Variants in FBXO10 observed in about 807,000 individuals in gnomAD.
FBXO10 encodes F-box protein 10.
In FBXO10, 39 loss-of-function variants were observed where a neutral mutation model predicts 80.7. The observed-to-expected ratio is 0.48, with a 90% CI of 0.37 to 0.63. The LOEUF (loss-of-function observed/expected upper bound fraction) is 0.63, where lower values mean the gene tolerates loss of function less well. Among genes scored for constraint, FBXO10 ranks in the 30% least tolerant of loss-of-function variants. FBXO10 has a pLI of 0.00. For synonymous variants in FBXO10, 449 were observed against 489.6 expected, an observed-to-expected ratio of 0.92 and a Z score of 1.09; for missense variants, 1,025 against 1,269.0, an observed-to-expected ratio of 0.81 and a Z score of 2.92.
At chr9:37,575,857 C>T (rs1822881904) in intron 1 of FBXO10, among the ~76,000 whole-genome samples, 2 of 152,214 alleles carry the variant, frequency 1.3e-5, no homozygotes, top group Non-Finnish European at 1.5e-5. Context: ...CTTCCCATCC[C>T]AAGAGTCAGC....
chr9:37,540,724 C>A (rs184634696), intron 2 of FBXO10, among the ~76,000 whole-genome samples: 2 of 152,204 alleles, frequency 1.3e-5, no homozygotes, highest in Non-Finnish European at 2.9e-5. Flanking sequence ...TAAAAGCCTG[C>A]CCTTCCTTGA....
chr9:37,514,705 G>A (rs1345392687), intron 10 of FBXO10, among the ~76,000 whole-genome samples: 1 of 151,920 alleles, frequency 6.6e-6, no homozygotes, highest in African/African-American at 2.4e-5. Flanking sequence ...GTGGTGGTGG[G>A]CGCCTGTAAT....
rs1821629065 is a variant in FBXO10 at position 37,531,799 on chromosome 9, C to G, written c.1569+110G>C. 20 of 1,247,404 alleles carry G rather than the reference C, an allele frequency of 1.6e-5. 2 individuals are homozygous for G. The South Asian group carries it at 2.7e-4, about 17-fold the overall frequency. 77.3% of individuals were successfully genotyped at this position (1,247,404 alleles called of 1,614,324 possible). ...ACGCAGAGGACAGAGCAGGAGCCAC[C>G]TGCAAACAGGAAGCACGTAAATACA... On this transcript the variant is annotated intron_variant, in intron 4 of 10. Coordinates refer to ENST00000432825, the MANE Select transcript of FBXO10 (RefSeq NM_012166.3).
At chr9:37,567,900 C>A (rs990360725) in intron 1 of FBXO10, among the ~76,000 whole-genome samples, 1 of 152,162 alleles carries the variant, frequency 6.6e-6, no homozygotes, top group Non-Finnish European at 1.5e-5. Flanking sequence ...TCTATTTAGT[C>A]CTGCTGGGGC....
At chr9:37,546,864 A>G (rs190258413) in intron 1 of FBXO10, among the ~76,000 whole-genome samples, 65 of 152,300 alleles carry the variant, frequency 4.3e-4, no homozygotes, top group Admixed American at 1.2e-3. Context: ...TATTTTTAGT[A>G]GAGATGGGGT....
chr9:37,571,246 A>T (rs1822749154), intron 1 of FBXO10, among the ~76,000 whole-genome samples: 1 of 152,192 alleles, frequency 6.6e-6, no homozygotes, highest in African/African-American at 2.4e-5. Flanking sequence ...GAAGAGGATG[A>T]TATGGGTATT....
At chr9:37,535,309 GA>G (rs1300129916) in intron 3 of FBXO10, among the ~76,000 whole-genome samples, 1 of 151,956 alleles carries the variant, frequency 6.6e-6, no homozygotes, top group Non-Finnish European at 1.5e-5. Context: ...TAAAATTTAT[GA>G]CACATAAAGA....
At position 37,526,439 on chromosome 9, in the gene FBXO10, A is replaced by G. The variant is rs375567835; in HGVS notation, c.1707-1267T>C. 3.8e-3 allele frequency among the ~76,000 whole-genome samples: 579 copies of G among 152,314 alleles called. 5 individuals are homozygous for G. Among genetic ancestry groups the G allele is most frequent in the African/African-American group, 0.013 (544 of 41,562 alleles). On this transcript the variant is annotated intron_variant, in intron 5 of 10. Transcript: ENST00000432825. ...CAAGATGACTATGTTTTAAAAACCC[A>G]ACACTGATCTAATTATGATATTCCT...
intron 8 of FBXO10, among the ~76,000 whole-genome samples, chr9:37,520,955 A>G (rs886112426): frequency 2.6e-5 from 4 of 152,150 alleles, no homozygotes; most frequent in African/African-American, 9.7e-5. Context: ...GAGGCCTCAT[A>G]ACAAGTGCCA....
intron 1 of FBXO10, among the ~76,000 whole-genome samples, chr9:37,546,541 T>C (rs553107591): frequency 6.6e-6 from 1 of 152,312 alleles, no homozygotes; most frequent in East Asian, 1.9e-4. Context: ...AGCCTTATTA[T>C]GTAACAGGTC....
chr9:37,550,659 T>A (rs750922917), intron 1 of FBXO10, among the ~76,000 whole-genome samples: 1 of 151,790 alleles, frequency 6.6e-6, no homozygotes, highest in African/African-American at 2.4e-5. Flanking sequence ...TTGTAGTTTT[T>A]GTAGAGATGG....
intron 1 of FBXO10, among the ~76,000 whole-genome samples, chr9:37,566,063 T>C (rs1402583455): frequency 1.3e-5 from 2 of 152,076 alleles, no homozygotes; most frequent in South Asian, 2.1e-4. Context: ...TGGGGGACCA[T>C]GGGGAGCTGC....
intron 7 of FBXO10, chr9:37,522,044 C>A: frequency 1.7e-6 from 1 of 604,588 alleles, no homozygotes; most frequent in Non-Finnish European, 2.8e-6. Flanking sequence ...CTCACAAGCT[C>A]GGCTCGTTCC....
chr9:37,537,555 C>G lies in FBXO10; in HGVS notation c.974G>C (p.Ser325Thr), dbSNP rs1428422974. 1.9e-6 allele frequency: 3 copies of G among 1,613,290 alleles called. No homozygotes were observed. In the Admixed American group the frequency reaches 5.0e-5, roughly 27 times the overall value. ...AGCCTTGGAGCCTGGCTTTGGGGAGCTAGAGGCTGGGCTGGTAGGGCTCTG... is the reference window on the plus strand; with the variant it reads ...AGCCTTGGAGCCTGGCTTTGGGGAGGTAGAGGCTGGGCTGGTAGGGCTCTG... ...GSQSPTSPAS[S>T]SPKPGSKAGS... is the part of the protein sequence containing the mutation. Residue 325 changes from serine to threonine, a missense_variant, in exon 3 of 11, where the codon AGC (serine) becomes ACC (threonine). Ser to Thr is a moderately conservative substitution (Grantham distance 58). This residue lies in a region of FBXO10 where 450 missense variants were observed against 499.4 expected (regional missense o/e 0.90). Coordinates refer to ENST00000432825, the MANE Select transcript of FBXO10 (RefSeq NM_012166.3).
intron 4 of FBXO10, among the ~76,000 whole-genome samples, chr9:37,531,312 CTG>C (rs1331210449): frequency 6.6e-6 from 1 of 152,154 alleles, no homozygotes; most frequent in Non-Finnish European, 1.5e-5. Flanking sequence ...CCCCATAAAT[CTG>C]TGTAAAAACA....
chr9:37,534,862 G>A (rs994578117), intron 3 of FBXO10, among the ~76,000 whole-genome samples: 1 of 152,114 alleles, frequency 6.6e-6, no homozygotes, highest in Non-Finnish European at 1.5e-5. Context: ...AGTGACTTAG[G>A]CCCAGATCAT....
intron 8 of FBXO10, 92 bp downstream of exon 8, chr9:37,521,477 T>C: frequency 7.4e-7 from 1 of 1,348,210 alleles, no homozygotes; most frequent in Non-Finnish European, 9.7e-7. Context: ...CTTTTAAATT[T>C]AAATTAAATT....
chr9:37,517,589 CAA>C (rs994238419), intron 9 of FBXO10, among the ~76,000 whole-genome samples: 8 of 108,584 alleles, frequency 7.4e-5, no homozygotes, highest in Admixed American at 3.3e-4. Flanking sequence ...AAGCACTAGA[CAA>C]GAGATAACTC....
chr9:37,571,735 A>ATATATATATATATATC (rs1822763800), intron 1 of FBXO10, among the ~76,000 whole-genome samples: 1 of 142,224 alleles, frequency 7.0e-6, no homozygotes, highest in South Asian at 2.2e-4. Flanking sequence ...ATATATATAT[A>ATATATATATATATATC]TATATATATA....
Sources: gnomAD v4.1 joint callset for allele counts (sites outside exome capture counted in the v4.1 genomes callset) on GRCh38, gnomAD v4.1.1 for gene constraint, gnomAD v4.1.1 regional missense constraint, MANE v1.5 for transcripts, NCBI Gene and HGNC (gene_info 2026-07-23, HGNC 2026-07-21) for gene names.